ZFP64: variants seen among roughly 807,000 people sequenced by gnomAD.
ZFP64 encodes zinc finger protein 64.
Under a neutral mutation model 51.6 loss-of-function variants are expected in ZFP64, and 14 were observed. The observed-to-expected ratio is 0.27, with a 90% CI of 0.18 to 0.42. The LOEUF (loss-of-function observed/expected upper bound fraction) is 0.42. Among genes scored for constraint, ZFP64 ranks in the 10% least tolerant of loss-of-function variants. The probability of loss-of-function intolerance (pLI) is 1.00; values close to 1 mark genes in which losing one functional copy is unlikely to be tolerated. For missense variants in ZFP64, 754 were observed against 906.8 expected (o/e 0.83, Z 2.16); for synonymous variants, 375 against 361.4 (o/e 1.04, Z -0.43).
chr20:52,115,489 A>C (rs187831226), intron 5 of ZFP64, among the ~76,000 whole-genome samples: 238 of 140,574 alleles, frequency 1.7e-3, no homozygotes, highest in African/African-American at 6.3e-3. Flanking sequence ...ATCATGGCCC[A>C]CTGAAACCTT....
intron 8 of ZFP64, chr20:52,088,218 A>C (rs2078884608): frequency 9.3e-7 from 1 of 1,073,500 alleles, no homozygotes; most frequent in Admixed American, 2.8e-5. Context: ...TATTTTACCA[A>C]AAGTTGTTGT....
At chr20:52,146,495 C>T (rs1303977045), downstream of ZFP64, among the ~76,000 whole-genome samples, 6 of 147,698 alleles carry the variant, frequency 4.1e-5, no homozygotes, top group Non-Finnish European at 5.9e-5. Flanking sequence ...AACCAAACAC[C>T]GCATGTTCTC....
chr20:52,171,635 A>G (rs1244815368), intron 2 of ZFP64, among the ~76,000 whole-genome samples: 3 of 151,716 alleles, frequency 2.0e-5, no homozygotes, highest in Non-Finnish European at 4.4e-5. Context: ...GATTACAGGC[A>G]CACACCACCA....
At chr20:52,138,640 T>C (rs1350446228) in intron 5 of ZFP64, among the ~76,000 whole-genome samples, 4 of 137,314 alleles carry the variant, frequency 2.9e-5, no homozygotes, top group African/African-American at 5.1e-5. Context: ...AAACAACATA[T>C]GGCAAAATAT....
intron 2 of ZFP64, among the ~76,000 whole-genome samples, chr20:52,183,204 A>T (rs1983734744): frequency 6.6e-6 from 1 of 152,188 alleles, no homozygotes; most frequent in South Asian, 2.1e-4. Flanking sequence ...GATTGTCATG[A>T]AACTTAAGGC....
At chr20:52,095,520 C>T (rs8120171) in intron 7 of ZFP64, among the ~76,000 whole-genome samples, 24,201 of 152,150 alleles carry the variant, frequency 0.16, 2,051 homozygotes, top group Non-Finnish European at 0.18. Flanking sequence ...GGGTCGTGCC[C>T]CAAGGGAGGA....
At chr20:52,189,824 C>CAT (rs1301074114) in intron 1 of ZFP64, among the ~76,000 whole-genome samples, 24 of 152,082 alleles carry the variant, frequency 1.6e-4, no homozygotes, top group African/African-American at 5.3e-4. Context: ...AAAATCTCTT[C>CAT]ATATATATAT....
intron 3 of ZFP64, chr20:52,165,448 A>AT (rs751346408): frequency 9.6e-5 from 44 of 459,652 alleles, no homozygotes; most frequent in South Asian, 6.5e-4. Flanking sequence ...AAATGGTAAC[A>AT]TTTGGGGAAT....
intron 5 of ZFP64, among the ~76,000 whole-genome samples, chr20:52,108,893 C>CACAT (rs1555880737): frequency 6.6e-6 from 1 of 151,648 alleles, no homozygotes; most frequent in Non-Finnish European, 1.5e-5. Flanking sequence ...CACACACACA[C>CACAT]ACACACACAC....
At chr20:52,118,798 A>T (rs1347497431) in intron 5 of ZFP64, among the ~76,000 whole-genome samples, 4 of 152,216 alleles carry the variant, frequency 2.6e-5, no homozygotes, top group Admixed American at 2.6e-4. Context: ...GCTTCCTCAG[A>T]GAGGTGGATT....
intron 2 of ZFP64, among the ~76,000 whole-genome samples, chr20:52,172,943 T>A (rs181636793): frequency 6.6e-6 from 1 of 152,192 alleles, no homozygotes; most frequent in Non-Finnish European, 1.5e-5. Flanking sequence ...TAGTTCTGGT[T>A]TGTAGCAGGG....
chr20:52,139,652 A>G (rs937008601), intron 5 of ZFP64, among the ~76,000 whole-genome samples: 2 of 152,176 alleles, frequency 1.3e-5, no homozygotes, highest in Non-Finnish European at 2.9e-5. Context: ...AACCTAAAAT[A>G]AAAGTTGAAA....
intron 1 of ZFP64, among the ~76,000 whole-genome samples, chr20:52,188,827 T>A (rs925301704): frequency 6.6e-6 from 1 of 151,456 alleles, no homozygotes; most frequent in African/African-American, 2.4e-5. Context: ...ACAAAAAAAA[T>A]TAGCCCGGCG....
At chr20:52,161,450 C>CTTTTTTTTTTTTTTTTTTTTTTTT (rs11469696) in intron 4 of ZFP64, among the ~76,000 whole-genome samples, 1 of 115,148 alleles carries the variant, frequency 8.7e-6, no homozygotes, top group African/African-American at 3.3e-5. Context: ...TGATTGCTTT[C>CTTTTTTTTTTTTTTTTTTTTTTTT]TTTTTTTTTT....
At chr20:52,116,614 T>A (rs998725160) in intron 5 of ZFP64, among the ~76,000 whole-genome samples, 9 of 152,120 alleles carry the variant, frequency 5.9e-5, no homozygotes, top group Non-Finnish European at 1.2e-4. Context: ...TATGATATAT[T>A]AAGTGAAACA....
chr20:52,179,078 G>C (rs1189591586), intron 2 of ZFP64, among the ~76,000 whole-genome samples: 1 of 152,152 alleles, frequency 6.6e-6, no homozygotes, highest in East Asian at 1.9e-4. Flanking sequence ...CCTGGTGGGA[G>C]GTGACTGAAT....
At chr20:52,122,325 T>C (rs1486150491) in intron 5 of ZFP64, among the ~76,000 whole-genome samples, 1 of 151,900 alleles carries the variant, frequency 6.6e-6, no homozygotes, top group Non-Finnish European at 1.5e-5. Context: ...GCTAACACAG[T>C]GAAACCCCGT....
chr20:52,084,110 T>C (rs1294913042), exon 9 of ZFP64: 7 of 161,196 alleles, frequency 4.3e-5, no homozygotes, highest in South Asian at 1.9e-4. Context: ...GGTTATGAAA[T>C]AGAAGTTTTC....
chr20:52,118,284 G>C (rs1430232665), intron 5 of ZFP64, among the ~76,000 whole-genome samples: 6 of 151,968 alleles, frequency 3.9e-5, no homozygotes, highest in African/African-American at 1.4e-4. Flanking sequence ...TTCTGTTTGG[G>C]CAACAACATG....
Sources: gnomAD v4.1 joint callset for allele counts (sites outside exome capture counted in the v4.1 genomes callset) on GRCh38, gnomAD v4.1.1 for gene constraint, MANE v1.5 for transcripts, NCBI Gene and HGNC (gene_info 2026-07-23, HGNC 2026-07-21) for gene names.